Variants in REV3L observed in about 807,000 individuals in gnomAD.
REV3L encodes the protein DNA polymerase zeta catalytic subunit.
A neutral mutation model predicts 299.4 loss-of-function variants in REV3L; 69 were observed. That is an observed-to-expected ratio of 0.23 (90% CI 0.19 to 0.28). REV3L has a LOEUF of 0.28. Ranked by LOEUF, REV3L falls within the 10% of genes least tolerant of loss-of-function variation. The pLI is 1.00. For synonymous variants in REV3L, 1,238 were observed against 1,271.4 expected, an observed-to-expected ratio of 0.97 and a Z score of 0.56; for missense variants, 3,128 against 3,693.8, an observed-to-expected ratio of 0.85 and a Z score of 3.97.
intron 1 of REV3L, among the ~76,000 whole-genome samples, chr6:111,425,311 T>C (rs1043041856): frequency 6.6e-6 from 1 of 151,920 alleles, no homozygotes; most frequent in Non-Finnish European, 1.5e-5. Flanking sequence ...AAAAAAAAAT[T>C]AGCCGGGTGT....
Position 111,367,847 on chromosome 6 carries a change from T to G in REV3L, c.5941A>C (p.Ser1981Arg), listed in dbSNP as rs151072329. 1.3e-5 allele frequency: 21 copies of G among 1,614,152 alleles called. No homozygotes were observed. In the African/African-American group the frequency reaches 2.8e-4, roughly 22 times the overall value. Reference protein sequence around the residue: ...SGQGVVNKGSSNSPKMVEDKK... With the variant: ...SGQGVVNKGSRNSPKMVEDKK... ...TCTTCAACCATCTTAGGGCTATTAC[T>G]TGACCCTTTATTGACAACTCCTTGG... Residue 1981 changes from serine to arginine, a missense_variant, in exon 14 of 32, where the codon AGT becomes CGT. By Grantham distance (110) the Ser-to-Arg change is moderately radical. Transcript: ENST00000368802.
intron 4 of REV3L, among the ~76,000 whole-genome samples, chr6:111,403,335 A>G (rs1783280532): frequency 6.6e-6 from 1 of 152,230 alleles, no homozygotes; most frequent in Admixed American, 6.5e-5. Flanking sequence ...CTCCAAATAC[A>G]GGAATACCCC....
chr6:111,391,675 T>C (rs767728706), intron 5 of REV3L, among the ~76,000 whole-genome samples: 1 of 152,230 alleles, frequency 6.6e-6, no homozygotes, highest in Non-Finnish European at 1.5e-5. Flanking sequence ...ATGAATGTGA[T>C]CCCAGCTTCG....
In REV3L at chr6:111,376,222, G is replaced by C; in HGVS notation, c.2133C>G (p.Asp711Glu). Reference sequence around the variant, plus strand: ...ATACTTTATTTTTTGAATGATTTAAGTCAGAAAAGTTGAAAGAATTTTTGC... The same window carrying C: ...ATACTTTATTTTTTGAATGATTTAACTCAGAAAAGTTGAAAGAATTTTTGC... ...TLGKNSFNFSDLNHSKNKVSS... is the reference protein window; with the variant it reads ...TLGKNSFNFSELNHSKNKVSS... Residue 711 changes from aspartate (D) to glutamate (E), a missense_variant, in exon 13 of 32, where the codon GAC (aspartate) becomes GAG (glutamate). Coordinates refer to ENST00000368802, the MANE Select transcript of REV3L (RefSeq NM_001372078.1). The C allele has an allele frequency of 6.2e-7, 1 of 1,613,396 alleles. No individual in the cohort carries two copies. Among genetic ancestry groups the C allele is most frequent in the Middle Eastern group, 1.6e-4 (1 of 6,062 alleles).
intron 1 of REV3L, among the ~76,000 whole-genome samples, chr6:111,440,372 A>C (rs1046281620): frequency 6.6e-6 from 1 of 152,200 alleles, no homozygotes; most frequent in African/African-American, 2.4e-5. Context: ...CCGAGTCCCA[A>C]AGCAAAGATT....
intron 17 of REV3L, among the ~76,000 whole-genome samples, chr6:111,358,216 G>A (rs1265837293): frequency 6.6e-6 from 1 of 152,078 alleles, no homozygotes; most frequent in East Asian, 1.9e-4. Flanking sequence ...TATAAGCAAA[G>A]TAAGAATATA....
intron 1 of REV3L, among the ~76,000 whole-genome samples, chr6:111,434,231 G>A (rs1787274312): frequency 6.6e-6 from 1 of 152,114 alleles, no homozygotes; most frequent in Admixed American, 6.5e-5. Context: ...TATCCAAATT[G>A]GAAAGGAAGA....
At chr6:111,302,838 G>T (rs1447216043) in intron 31 of REV3L, among the ~76,000 whole-genome samples, 1 of 152,172 alleles carries the variant, frequency 6.6e-6, no homozygotes, top group African/African-American at 2.4e-5. Flanking sequence ...GAAGGCAGAG[G>T]TTGCAGTGAG....
intron 16 of REV3L, among the ~76,000 whole-genome samples, chr6:111,363,294 ACTT>A (rs542857748): frequency 6.6e-6 from 1 of 152,126 alleles, no homozygotes; most frequent in Non-Finnish European, 1.5e-5. Flanking sequence ...ATACAGACTT[ACTT>A]CTTTTTTTTG....
chr6:111,345,682 T>TG (rs1443278856), intron 20 of REV3L, among the ~76,000 whole-genome samples: 1 of 152,130 alleles, frequency 6.6e-6, no homozygotes, highest in Admixed American at 6.5e-5. Context: ...CTGACCTCTC[T>TG]GCTCCTTATT....
chr6:111,437,745 CAG>C (rs1787741707), intron 1 of REV3L, among the ~76,000 whole-genome samples: 1 of 152,042 alleles, frequency 6.6e-6, no homozygotes, highest in Non-Finnish European at 1.5e-5. Context: ...TTTAGGGTGA[CAG>C]TGTTCTAAAA....
intron 1 of REV3L, among the ~76,000 whole-genome samples, chr6:111,470,944 C>T (rs1035610681): frequency 6.6e-6 from 1 of 150,700 alleles, no homozygotes; most frequent in Non-Finnish European, 1.5e-5. Context: ...TGTGCCACTA[C>T]ACTCCAGCCT....
At chr6:111,380,271 T>G (rs75814634) in intron 10 of REV3L, 52 bp from the exon 11 acceptor site, 6 of 1,282,280 alleles carry the variant, frequency 4.7e-6, no homozygotes, top group Non-Finnish European at 6.6e-6. Context: ...TTTTTTTTTT[T>G]GACACGGAGT....
rs1460311481 is a variant in REV3L, at chr6:111,329,614, C to T, written c.8159G>A (p.Arg2720His). Residue 2720 changes from arginine to histidine, a missense_variant, in exon 25 of 32, where the codon CGT (arginine) becomes CAT (histidine). Physicochemically the swap from Arg to His is conservative, Grantham distance 29. Coordinates refer to ENST00000368802, the MANE Select transcript of REV3L (RefSeq NM_001372078.1). ...TGCTATCAGCTTAAGTCCCAACTGA[C>T]GCGCATCAAGCATTCGTGACAGGGC... Reference protein sequence around the residue: ...DRALSRMLDARQLGLKLIANV... With the variant: ...DRALSRMLDAHQLGLKLIANV... 19 of 1,614,110 alleles carry T rather than the reference C, an allele frequency of 1.2e-5. No homozygotes were observed. Among genetic ancestry groups the T allele is most frequent in the Admixed American group, 3.3e-5 (2 of 60,034 alleles).
At chr6:111,414,664 C>T (rs2128283154) in intron 2 of REV3L, among the ~76,000 whole-genome samples, 1 of 152,202 alleles carries the variant, frequency 6.6e-6, no homozygotes, top group African/African-American at 2.4e-5. Context: ...GGACATAAAA[C>T]AACTCAAATG....
In REV3L at chr6:111,440,397, A is replaced by G. The variant is rs80074403; in HGVS notation, c.140-23925T>C. Among the ~76,000 whole-genome samples, 39 of 152,336 alleles carry G rather than the reference A, an allele frequency of 2.6e-4. No individual in the cohort carries two copies. The East Asian group carries it at 7.5e-3, about 29-fold the overall frequency. ...AAGCAAAGATTTTTATGCTACAGAA[A>G]TAAACAAACGTATCTTTTGGCGAAA... On this transcript the variant is annotated intron_variant, in intron 1 of 31. Coordinates refer to ENST00000368802, the MANE Select transcript of REV3L (RefSeq NM_001372078.1).
At chr6:111,471,394 T>C (rs1036268874) in intron 1 of REV3L, among the ~76,000 whole-genome samples, 13 of 152,274 alleles carry the variant, frequency 8.5e-5, no homozygotes, top group African/African-American at 2.9e-4. Context: ...ACTAACGAAA[T>C]GTAAAAAATC....
rs1404935917 is a variant in REV3L, at chr6:111,375,801, A to C, written c.2554T>G (p.Ser852Ala). 6.2e-7 allele frequency: 1 copy of C among 1,613,574 alleles called. No individual in the cohort carries two copies. Among genetic ancestry groups the C allele is most frequent in the Non-Finnish European group, 8.5e-7 (1 of 1,179,748 alleles). Residue 852 changes from serine (S) to alanine (A), a missense_variant, in exon 13 of 32, where the codon TCC (serine) becomes GCC (alanine). Ser to Ala is a moderately conservative substitution (Grantham distance 99). This residue lies in a region of REV3L where 2,409 missense variants were observed against 2,611.8 expected (regional missense o/e 0.92). Coordinates refer to ENST00000368802, the MANE Select transcript of REV3L (RefSeq NM_001372078.1). ...TTTTGTATAAAATTATCTTTTGTGG[A>C]TCCAGTCTCACTACTTTTGGTAGAA... ...ETSTKSSETG[S>A]TKDNFIQNNP...
At position 111,373,617 on chromosome 6, in the gene REV3L, G is replaced by C. The variant is rs1461307208; in HGVS notation, c.4738C>G (p.Pro1580Ala). ...ANKRTRSVTS[P>A]RKPRTPRSTK... ...CTTCTGGGAGTTCGAGGTTTTCTTG[G>C]GGACGTTACCGATCGTGTCCGTTTA... The change falls in exon 13 of 32, where the codon CCA becomes GCA. Residue 1580 changes from proline (P) to alanine (A), a missense_variant. Around this residue, in one of 9 missense-constraint regions of REV3L, gnomAD observed 2,409 missense variants for 2,611.8 expected, o/e 0.92. Coordinates refer to ENST00000368802, the MANE Select transcript of REV3L (RefSeq NM_001372078.1). 20 of 1,613,910 alleles carry C rather than the reference G, an allele frequency of 1.2e-5. No homozygotes were observed. Among genetic ancestry groups the C allele is most frequent in the Non-Finnish European group, 1.7e-5 (20 of 1,180,010 alleles).
Sources: gnomAD v4.1 joint callset for allele counts (sites outside exome capture counted in the v4.1 genomes callset) on GRCh38, gnomAD v4.1.1 for gene constraint, gnomAD v4.1.1 regional missense constraint, MANE v1.5 for transcripts, NCBI Gene and HGNC (gene_info 2026-07-23, HGNC 2026-07-21) for gene names.